KSR2: variants seen among roughly 807,000 people sequenced by gnomAD.
KSR2 encodes the protein kinase suppressor of ras 2.
KSR2 carries 25 observed loss-of-function variants against 107.8 expected under a neutral mutation model. The observed-to-expected ratio is 0.23, with a 90% CI of 0.17 to 0.32. KSR2 has a LOEUF of 0.32. Ranked by LOEUF, KSR2 falls within the 10% of genes least tolerant of loss-of-function variation. The pLI is 1.00. For synonymous variants in KSR2, 480 were observed against 507.0 expected (o/e 0.95, Z 0.71); for missense variants, 887 against 1,268.9 (o/e 0.70, Z 4.57).
At chr12:117,737,511 G>A (rs902472222) in intron 4 of KSR2, among the ~76,000 whole-genome samples, 2 of 152,026 alleles carry the variant, frequency 1.3e-5, no homozygotes, top group South Asian at 2.1e-4. Context: ...GGCCAGGTGC[G>A]GTGGCTCGTG....
chr12:117,501,359 T>C (rs924306644), intron 14 of KSR2, among the ~76,000 whole-genome samples: 4 of 152,196 alleles, frequency 2.6e-5, no homozygotes, highest in African/African-American at 9.7e-5. Flanking sequence ...CTCTAAGAAA[T>C]CAGGGTGGAG....
chr12:117,619,095 C>T lies in KSR2; in HGVS notation c.1172-36736G>A, dbSNP rs1285882815. Among the ~76,000 whole-genome samples, 4 of 152,128 alleles carry T rather than the reference C, an allele frequency of 2.6e-5. No homozygotes were observed. The South Asian group carries it at 8.3e-4, about 32-fold the overall frequency. ...CACCTTCAAGAAACCTTCTAGGAGACCTTGAGAATTACTACAATGCTGTCT... is the reference window on the plus strand; with the variant it reads ...CACCTTCAAGAAACCTTCTAGGAGATCTTGAGAATTACTACAATGCTGTCT... On this transcript the variant is annotated intron_variant, in intron 5 of 19. Transcript: ENST00000339824.
chr12:117,897,147 G>A lies in KSR2; in HGVS notation c.181-36716C>T, dbSNP rs10850928. ...GGAGTAGCGGAGCAGCCACGTGTTC[G>A]TCATCAGGAATTATTGTTTCATTAA... On this transcript the variant is annotated intron_variant, in intron 1 of 19. Coordinates refer to ENST00000339824, the MANE Select transcript of KSR2 (RefSeq NM_173598.6). The surrounding 1 kb of genome is among the most constrained non-coding windows in gnomAD (Gnocchi z 4.5). 0.15 allele frequency among the ~76,000 whole-genome samples: 23,206 copies of A among 152,134 alleles called. 2,330 individuals carry two copies. Among genetic ancestry groups the A allele is most frequent in the East Asian group, 0.48 (2,481 of 5,160 alleles).
chr12:117,956,813 A>G (rs1896532522), intron 1 of KSR2, among the ~76,000 whole-genome samples: 1 of 152,120 alleles, frequency 6.6e-6, no homozygotes. Context: ...TCTGGTGTGT[A>G]TTTGACACTA....
intron 1 of KSR2, among the ~76,000 whole-genome samples, chr12:117,935,730 A>G (rs1415772141): frequency 1.3e-5 from 2 of 152,216 alleles, no homozygotes; most frequent in African/African-American, 4.8e-5. Context: ...ACTGCACTCC[A>G]GCCTGGGCAA....
chr12:117,842,498 C>T lies in KSR2; in HGVS notation c.472+12930G>A, dbSNP rs1303341137. Among the ~76,000 whole-genome samples the T allele has an allele frequency of 6.6e-6, 1 of 152,104 alleles. No homozygotes were observed. Among genetic ancestry groups the T allele is most frequent in the African/African-American group, 2.4e-5 (1 of 41,422 alleles). ...CAGGGACAGGACTGGGGGTCTCATT[C>T]TAAGATGTAATAGTCTGTTTGGAGC... On this transcript the variant is annotated intron_variant, in intron 3 of 19. Coordinates refer to ENST00000339824, the MANE Select transcript of KSR2 (RefSeq NM_173598.6). This position sits in a 1 kb window ranked among gnomAD's most constrained non-coding sequence, Gnocchi z 4.2.
intron 4 of KSR2, among the ~76,000 whole-genome samples, chr12:117,688,704 C>T (rs2136563749): frequency 6.6e-6 from 1 of 152,234 alleles, no homozygotes; most frequent in South Asian, 2.1e-4. Context: ...TTCGAGTGTG[C>T]CAGAAGCAAG....
At chr12:117,916,954 G>A (rs1157226336) in intron 1 of KSR2, among the ~76,000 whole-genome samples, 2 of 152,134 alleles carry the variant, frequency 1.3e-5, no homozygotes, top group East Asian at 1.9e-4. Flanking sequence ...TTTACAGCTG[G>A]GTTTGTACAT....
intron 9 of KSR2, among the ~76,000 whole-genome samples, chr12:117,553,044 C>T (rs1303654237): frequency 7.9e-5 from 12 of 152,218 alleles, no homozygotes; most frequent in Non-Finnish European, 1.6e-4. Flanking sequence ...GTTTGTTGTG[C>T]TGCAGTAGAT....
intron 1 of KSR2, among the ~76,000 whole-genome samples, chr12:117,901,501 C>T (rs962864009): frequency 2.0e-5 from 3 of 152,056 alleles, no homozygotes; most frequent in African/African-American, 7.2e-5. Flanking sequence ...TGAGGTTTCA[C>T]CATATTGCCC....
chr12:117,784,731 C>G (rs1890004704), intron 3 of KSR2, among the ~76,000 whole-genome samples: 1 of 152,066 alleles, frequency 6.6e-6, no homozygotes, highest in Admixed American at 6.6e-5. Flanking sequence ...CTAACAGAAC[C>G]CTATCTTTTT....
intron 5 of KSR2, among the ~76,000 whole-genome samples, chr12:117,598,872 C>T (rs1004372151): frequency 6.6e-6 from 1 of 151,922 alleles, no homozygotes; most frequent in Non-Finnish European, 1.5e-5. Flanking sequence ...ACCTAGCAGC[C>T]TGAAGTGATG....
rs536603942 is a variant in KSR2 at position 117,758,149 on chromosome 12, G to C, written c.986+2862C>G. Among the ~76,000 whole-genome samples the C allele has an allele frequency of 4.6e-5, 7 of 152,092 alleles. No individual in the cohort carries two copies. The South Asian group carries it at 1.2e-3, about 27-fold the overall frequency. On this transcript the variant is annotated intron_variant, in intron 4 of 19. Transcript: ENST00000339824. ...ACAGCTGAGAAAGCTAAGATTCAGAGAGGTTAAATCCAAGGTCAAAAGGCT... is the reference window on the plus strand; with the variant it reads ...ACAGCTGAGAAAGCTAAGATTCAGACAGGTTAAATCCAAGGTCAAAAGGCT...
chr12:117,748,869 T>A (rs1266433557), intron 4 of KSR2, among the ~76,000 whole-genome samples: 1 of 151,790 alleles, frequency 6.6e-6, no homozygotes, highest in Non-Finnish European at 1.5e-5. Context: ...GATGAGGAGA[T>A]GGAGAGGTGA....
intron 4 of KSR2, among the ~76,000 whole-genome samples, chr12:117,714,896 T>C (rs1886920809): frequency 6.6e-6 from 1 of 152,116 alleles, no homozygotes; most frequent in Admixed American, 6.6e-5. Context: ...GTGCCAAGGT[T>C]GAGAAATTCT....
chr12:117,622,387 A>G (rs1882245199), intron 5 of KSR2, among the ~76,000 whole-genome samples: 1 of 152,154 alleles, frequency 6.6e-6, no homozygotes, highest in African/African-American at 2.4e-5. Context: ...GCAAAGCAAA[A>G]GAAAGAGTCT....
rs766156539 is a variant in KSR2, at chr12:117,946,421, G to A, written c.180+21655C>T. Among the ~76,000 whole-genome samples the A allele has an allele frequency of 3.9e-5, 6 of 152,002 alleles. No homozygotes were observed. In the South Asian group the frequency reaches 6.2e-4, roughly 16 times the overall value. On this transcript the variant is annotated intron_variant, in intron 1 of 19. Coordinates refer to ENST00000339824, the MANE Select transcript of KSR2 (RefSeq NM_173598.6). ...GGAGTATCACCATAGACCCCGTGAC[G>A]TTAAAAGAATAATAAAAGAATACTG...
chr12:117,865,067 A>C (rs568338215), intron 1 of KSR2, among the ~76,000 whole-genome samples: 34 of 152,204 alleles, frequency 2.2e-4, no homozygotes, highest in African/African-American at 7.9e-4. Flanking sequence ...ATCTCAAAAA[A>C]TAATAAAAAT....
intron 4 of KSR2, among the ~76,000 whole-genome samples, chr12:117,738,482 T>G (rs1671545743): frequency 6.6e-6 from 1 of 152,162 alleles, no homozygotes; most frequent in South Asian, 2.1e-4. Context: ...AGCGTGTTAC[T>G]CTACTGAATG....
Sources: gnomAD v4.1 joint callset for allele counts (sites outside exome capture counted in the v4.1 genomes callset) on GRCh38, gnomAD v4.1.1 for gene constraint, Gnocchi (gnomAD v3.1) non-coding constraint, MANE v1.5 for transcripts, NCBI Gene and HGNC (gene_info 2026-07-23, HGNC 2026-07-21) for gene names.